The following CAMTA1 variants were observed in gnomAD, a reference collection of about 807,000 sequenced individuals.
The protein encoded by CAMTA1 is calmodulin binding transcription activator 1, also known as calmodulin-binding transcription activator 1.
In CAMTA1, 27 loss-of-function variants were observed where a neutral mutation model predicts 170.9. The ratio of observed to expected loss-of-function variants is 0.16; its 90% confidence interval spans 0.12 to 0.22. CAMTA1 has a LOEUF of 0.22. Ranked by LOEUF, CAMTA1 falls within the 10% of genes least tolerant of loss-of-function variation. CAMTA1 has a pLI of 1.00. For synonymous variants in CAMTA1, 833 were observed against 891.5 expected, an observed-to-expected ratio of 0.93 and a Z score of 1.17; for missense variants, 1,619 against 2,217.2, an observed-to-expected ratio of 0.73 and a Z score of 5.42.
intron 5 of CAMTA1, among the ~76,000 whole-genome samples, chr1:7,285,727 A>G (rs1574439260): frequency 6.6e-6 from 1 of 152,052 alleles, no homozygotes; most frequent in Non-Finnish European, 1.5e-5. Context: ...CTTTATTCTA[A>G]ACCAGAGATT....
intron 5 of CAMTA1, among the ~76,000 whole-genome samples, chr1:7,265,269 C>T (rs1341477386): frequency 2.0e-5 from 3 of 152,132 alleles, no homozygotes; most frequent in Non-Finnish European, 4.4e-5. Flanking sequence ...TTTCAAAGAC[C>T]TAGCATGAAA....
intron 5 of CAMTA1, among the ~76,000 whole-genome samples, chr1:7,376,592 T>A (rs2086860577): frequency 6.6e-6 from 1 of 152,156 alleles, no homozygotes; most frequent in South Asian, 2.1e-4. Flanking sequence ...GGCTTCATTG[T>A]CCTCCCTCTA....
At chr1:7,273,804 A>G (rs935249124) in intron 5 of CAMTA1, among the ~76,000 whole-genome samples, 3 of 152,224 alleles carry the variant, frequency 2.0e-5, no homozygotes, top group Non-Finnish European at 2.9e-5. Context: ...AACATTATAT[A>G]GAAGCAAAGT....
intron 3 of CAMTA1, among the ~76,000 whole-genome samples, chr1:7,075,603 C>G (rs1477116967): frequency 6.6e-6 from 1 of 152,020 alleles, no homozygotes; most frequent in Non-Finnish European, 1.5e-5. Flanking sequence ...TCTGACTTCT[C>G]CAGCCTGTGT....
At chr1:7,572,665 C>G (rs902919315) in intron 6 of CAMTA1, among the ~76,000 whole-genome samples, 1 of 152,158 alleles carries the variant, frequency 6.6e-6, no homozygotes, top group East Asian at 1.9e-4. Flanking sequence ...TGAGGCATTC[C>G]CATTCATGTG....
intron 5 of CAMTA1, among the ~76,000 whole-genome samples, chr1:7,418,248 T>G (rs1178982566): frequency 1.3e-5 from 2 of 152,178 alleles, no homozygotes. Flanking sequence ...TGAGCTGGAG[T>G]GCAGTGGTGC....
At chr1:7,651,672 G>A (rs1232691359) in intron 7 of CAMTA1, among the ~76,000 whole-genome samples, 1 of 152,274 alleles carries the variant, frequency 6.6e-6, no homozygotes, top group East Asian at 1.9e-4. Flanking sequence ...ATCCAGGGGT[G>A]GGGCCACCTA....
intron 4 of CAMTA1, among the ~76,000 whole-genome samples, chr1:7,163,896 A>G (rs1000984292): frequency 5.9e-5 from 9 of 152,122 alleles, no homozygotes; most frequent in African/African-American, 2.2e-4. Flanking sequence ...TTACTGGTGC[A>G]CTCGTTTTCC....
rs1673686447 is a variant in CAMTA1 at position 7,294,842 on chromosome 1, T to C, written c.438+45216T>C. 1.8e-4 allele frequency among the ~76,000 whole-genome samples: 3 copies of C among 16,784 alleles called. No individual in the cohort carries two copies. In the Admixed American group the frequency reaches 2.3e-3, roughly 13 times the overall value. 11.0% of individuals were successfully genotyped at this position (16,784 alleles called of 152,430 possible). On this transcript the variant is annotated intron_variant, in intron 5 of 22. Coordinates refer to ENST00000303635, the MANE Select transcript of CAMTA1 (RefSeq NM_015215.4). ...GACTCTCCGTGGACCCTTCACCAAA[T>C]GGCCTCCAAGGCAAGGCCCTTGATC...
Position 6,825,155 on chromosome 1 carries a change from G to T in CAMTA1, c.179G>T (p.Cys60Phe). The T allele has an allele frequency of 6.2e-7, 1 of 1,611,992 alleles. No individual in the cohort carries two copies. The highest frequency in any genetic ancestry group is 1.1e-5 in the South Asian group (1 of 90,670). The change falls in exon 3 of 23, where the codon TGT (cysteine) becomes TTT (phenylalanine). Residue 60 changes from cysteine to phenylalanine, a missense_variant. This residue lies in a region of CAMTA1 where 97 missense variants were observed against 225.4 expected (regional missense o/e 0.43). Transcript: ENST00000303635. ...KIFLPKKLLE[C>F]LPKCSSLPKE... Reference sequence around the variant, plus strand: ...TTTTTACCGAAAAAGCTGCTTGAATGTCTGCCGAAATGTTCAAGTTTACCA... The same window carrying T: ...TTTTTACCGAAAAAGCTGCTTGAATTTCTGCCGAAATGTTCAAGTTTACCA...
intron 22 of CAMTA1, among the ~76,000 whole-genome samples, chr1:7,757,751 GAAAAGCCTA>G (rs1338580516): frequency 6.6e-6 from 1 of 151,896 alleles, no homozygotes; most frequent in Admixed American, 6.6e-5. Context: ...AAAAAAAAGA[GAAAAGCCTA>G]AAAAGCCTTA....
Position 7,675,901 on chromosome 1 carries a change from G to A in CAMTA1, c.2780-1698G>A, listed in dbSNP as rs141253922. Among the ~76,000 whole-genome samples, 646 of 152,340 alleles carry A rather than the reference G, an allele frequency of 4.2e-3. 3 individuals carry two copies. The highest frequency in any genetic ancestry group is 0.015 in the African/African-American group (628 of 41,590). On this transcript the variant is annotated intron_variant, in intron 10 of 22. Coordinates refer to ENST00000303635, the MANE Select transcript of CAMTA1 (RefSeq NM_015215.4). ...GGTCCCCTCTGCTCCGTCTCTCTGG[G>A]AAGGAAGAAATGCCTTGGAGTCTGC...
At chr1:7,013,628 C>T (rs1203913940) in intron 3 of CAMTA1, among the ~76,000 whole-genome samples, 1 of 152,152 alleles carries the variant, frequency 6.6e-6, no homozygotes, top group Admixed American at 6.5e-5. Context: ...GTGCACTGTT[C>T]CTGGCTGCAG....
Position 7,665,296 on chromosome 1 carries a change from C to G in CAMTA1, c.2652+97C>G. 9.6e-7 allele frequency: 1 copy of G among 1,041,940 alleles called. No individual in the cohort carries two copies. The highest frequency in any genetic ancestry group is 1.3e-6 in the Non-Finnish European group (1 of 773,546). 64.5% of individuals were successfully genotyped at this position (1,041,940 alleles called of 1,614,324 possible). A position where few individuals can be genotyped will look rare whatever the true frequency, so the allele number is the denominator to read the frequency against. Reference sequence around the variant, plus strand: ...CAGCTAAGGGATGCCTGTGGCTGCCCTTCAGAGGAAGCTCTGGACCACAAA... The same window carrying G: ...CAGCTAAGGGATGCCTGTGGCTGCCGTTCAGAGGAAGCTCTGGACCACAAA... On this transcript the variant is annotated intron_variant, in intron 9 of 22. Coordinates refer to ENST00000303635, the MANE Select transcript of CAMTA1 (RefSeq NM_015215.4). This position sits in a 1 kb window ranked among gnomAD's most constrained non-coding sequence, Gnocchi z 4.3.
At chr1:7,053,918 C>T (rs571389443) in intron 3 of CAMTA1, among the ~76,000 whole-genome samples, 10 of 152,340 alleles carry the variant, frequency 6.6e-5, no homozygotes, top group African/African-American at 2.2e-4. Context: ...GTATCCCTGG[C>T]GCTGTCTCCT....
At chr1:6,928,452 C>T (rs535552576) in intron 3 of CAMTA1, among the ~76,000 whole-genome samples, 48 of 152,268 alleles carry the variant, frequency 3.2e-4, no homozygotes, top group African/African-American at 1.1e-3. Context: ...ACTGTAAACT[C>T]AGGTGTCTTA....
chr1:7,638,645 GA>G (rs371977192), intron 6 of CAMTA1, among the ~76,000 whole-genome samples: 7 of 147,178 alleles, frequency 4.8e-5, no homozygotes, highest in African/African-American at 7.5e-5. Flanking sequence ...CTGTCTAAAG[GA>G]AAAAAAAAAG....
Position 7,532,853 on chromosome 1 carries a change from T to C in CAMTA1, c.510+64952T>C, listed in dbSNP as rs2094506980. ...GGCCAGCAGGGCCCCACGTGCTGAA[T>C]GTCAAAGGGTGGAATGGACCCTGGG... On this transcript the variant is annotated intron_variant, in intron 6 of 22. Transcript: ENST00000303635. This position sits in a 1 kb window ranked among gnomAD's most constrained non-coding sequence, Gnocchi z 4.2. 2.6e-5 allele frequency among the ~76,000 whole-genome samples: 4 copies of C among 152,098 alleles called. No individual in the cohort carries two copies. Among genetic ancestry groups the C allele is most frequent in the African/African-American group, 7.2e-5 (3 of 41,420 alleles).
At chr1:7,313,720 A>G (rs1677084671) in intron 5 of CAMTA1, among the ~76,000 whole-genome samples, 2 of 152,232 alleles carry the variant, frequency 1.3e-5, no homozygotes, top group African/African-American at 4.8e-5. Flanking sequence ...CATATTATCA[A>G]ATTGCCCTCA....
Sources: allele counts gnomAD v4.1 joint callset (sites outside exome capture counted in the v4.1 genomes callset), GRCh38; gene constraint gnomAD v4.1.1; regional missense constraint gnomAD v4.1.1; non-coding constraint Gnocchi (gnomAD v3.1); transcripts MANE v1.5; gene names NCBI Gene and HGNC (gene_info 2026-07-23, HGNC 2026-07-21).